Variants in ARSK observed in about 807,000 individuals in gnomAD.
ARSK encodes arylsulfatase K.
In ARSK, 37 loss-of-function variants were observed where a neutral mutation model predicts 53.2. The observed-to-expected ratio is 0.70, with a 90% CI of 0.54 to 0.92. The LOEUF (loss-of-function observed/expected upper bound fraction) is 0.92, where lower values mean the gene tolerates loss of function less well. Ranked by LOEUF, ARSK falls within the 40% of genes least tolerant of loss-of-function variation. ARSK has a pLI of 0.00. For missense variants in ARSK, 613 were observed against 643.0 expected, an observed-to-expected ratio of 0.95 and a Z score of 0.51; for synonymous variants, 208 against 223.2, an observed-to-expected ratio of 0.93 and a Z score of 0.61.
At position 95,586,734 on chromosome 5, in the gene ARSK, G is replaced by C. The variant is rs1358549129; in HGVS notation, c.871+1G>C. On this transcript the variant is annotated splice_donor_variant, in intron 5 of 7. Transcript: ENST00000380009. LOFTEE classifies it high-confidence loss of function. ...TGTGCTGAGACAGATGCCATGCTTGGTAGGTGGTATAATTAATAAGCAATT... is the reference window on the plus strand; with the variant it reads ...TGTGCTGAGACAGATGCCATGCTTGCTAGGTGGTATAATTAATAAGCAATT... 1 of 1,580,420 alleles carries C rather than the reference G, an allele frequency of 6.3e-7. No homozygotes were observed. Among genetic ancestry groups the C allele is most frequent in the Admixed American group, 1.9e-5 (1 of 52,560 alleles).
intron 6 of ARSK, among the ~76,000 whole-genome samples, chr5:95,592,202 ATC>A (rs1319256947): frequency 3.3e-5 from 5 of 152,230 alleles, no homozygotes; most frequent in African/African-American, 7.2e-5. Flanking sequence ...TCTAGTTTCT[ATC>A]TCATTTAGCA....
chr5:95,596,524 T>C (rs1220077652), intron 6 of ARSK, among the ~76,000 whole-genome samples: 1 of 152,168 alleles, frequency 6.6e-6, no homozygotes, highest in Non-Finnish European at 1.5e-5. Context: ...TTAAAATATT[T>C]GAGTCTTCTG....
At position 95,596,193 on chromosome 5, in the gene ARSK, C is replaced by A. The variant is rs528964774; in HGVS notation, c.1096+4568C>A. Among the ~76,000 whole-genome samples the A allele has an allele frequency of 2.4e-3, 366 of 152,284 alleles. 3 individuals carry two copies. Among genetic ancestry groups the A allele is most frequent in the African/African-American group, 8.3e-3 (347 of 41,576 alleles). On this transcript the variant is annotated intron_variant, in intron 6 of 7. Transcript: ENST00000380009. Reference sequence around the variant, plus strand: ...AAAGCTACTTTATTAGTGATTAATTCTAAAATTAGACCTGTGAGACAGTAT... The same window carrying A: ...AAAGCTACTTTATTAGTGATTAATTATAAAATTAGACCTGTGAGACAGTAT...
chr5:95,582,957 TCAGACAAGAAGG>T lies in ARSK; in HGVS notation c.462_473del (p.Gln155_Arg158del). 6.2e-7 allele frequency: 1 copy of T among 1,612,240 alleles called. No homozygotes were observed. Among genetic ancestry groups the T allele is most frequent in the African/African-American group, 1.3e-5 (1 of 75,014 alleles). ...TGGACAAGAGATGTTGCTTTCTTAC[TCAGACAAGAAGG>T]CAGGCCCATGGTTAATCTTATCCGT... is the stretch of plus-strand genomic sequence containing the variant. On this transcript the variant is annotated inframe_deletion, in exon 4 of 8. Coordinates refer to ENST00000380009, the MANE Select transcript of ARSK (RefSeq NM_198150.3).
At chr5:95,581,721 A>G (rs1749022507) in intron 3 of ARSK, among the ~76,000 whole-genome samples, 2 of 151,774 alleles carry the variant, frequency 1.3e-5, no homozygotes, top group South Asian at 4.1e-4. Flanking sequence ...ACTAATAGTC[A>G]CATATAGTAA....
chr5:95,567,783 C>T lies in ARSK; in HGVS notation c.257-107C>T, dbSNP rs1748750406. The T allele has an allele frequency of 4.6e-6, 5 of 1,084,660 alleles. No individual in the cohort carries two copies. The South Asian group carries it at 1.0e-4, about 22-fold the overall frequency. 67.2% of individuals were successfully genotyped at this position (1,084,660 alleles called of 1,614,324 possible). A position where few individuals can be genotyped will look rare whatever the true frequency, so the allele number is the denominator to read the frequency against. On this transcript the variant is annotated intron_variant, in intron 2 of 7. Transcript: ENST00000380009. Reference sequence around the variant, plus strand: ...CACCTAATCTGGGTACGTCTTACTGCAGAGCATAAGCTCTTCACTAGTGGA... The same window carrying T: ...CACCTAATCTGGGTACGTCTTACTGTAGAGCATAAGCTCTTCACTAGTGGA...
At chr5:95,557,941 A>C (rs555701398) in intron 1 of ARSK, among the ~76,000 whole-genome samples, 1 of 152,340 alleles carries the variant, frequency 6.6e-6, no homozygotes, top group South Asian at 2.1e-4. Context: ...TTTATTCAAG[A>C]AAATCTATGA....
chr5:95,577,627 A>G (rs1748947787), intron 3 of ARSK, among the ~76,000 whole-genome samples: 2 of 152,192 alleles, frequency 1.3e-5, no homozygotes, highest in South Asian at 2.1e-4. Flanking sequence ...TCATCTAGGA[A>G]TTCAAAGTTG....
At position 95,555,113 on chromosome 5, in the gene ARSK, C is replaced by T. The variant is rs998039342; in HGVS notation, c.-166C>T. ...CTCTGTTGCGCATGTGCGCGCTCTCCGCCTGATAGGAGTTGTAGTTCTGCG... is the reference window on the plus strand; with the variant it reads ...CTCTGTTGCGCATGTGCGCGCTCTCTGCCTGATAGGAGTTGTAGTTCTGCG... On this transcript the variant is annotated 5_prime_UTR_variant, in exon 1 of 8. Coordinates refer to ENST00000380009, the MANE Select transcript of ARSK (RefSeq NM_198150.3). This position sits in a 1 kb window ranked among gnomAD's most constrained non-coding sequence, Gnocchi z 4.0. 3.0e-5 allele frequency: 16 copies of T among 534,212 alleles called. No homozygotes were observed. The highest frequency in any genetic ancestry group is 4.9e-5 in the Non-Finnish European group (15 of 306,602). 33.1% of individuals were successfully genotyped at this position (534,212 alleles called of 1,614,324 possible). A position where few individuals can be genotyped will look rare whatever the true frequency, so the allele number is the denominator to read the frequency against.
intron 3 of ARSK, among the ~76,000 whole-genome samples, chr5:95,572,901 C>A (rs1161787463): frequency 6.6e-6 from 1 of 152,206 alleles, no homozygotes; most frequent in African/African-American, 2.4e-5. Flanking sequence ...CCCACCTCTA[C>A]CCCTTAGCTG....
At chr5:95,561,705 C>T (rs577032984) in intron 1 of ARSK, among the ~76,000 whole-genome samples, 14 of 152,116 alleles carry the variant, frequency 9.2e-5, no homozygotes, top group East Asian at 1.9e-4. Context: ...AACATAGAGC[C>T]GGAAAGTAGG....
chr5:95,562,464 T>C (rs962807506), intron 1 of ARSK, among the ~76,000 whole-genome samples: 6 of 152,200 alleles, frequency 3.9e-5, no homozygotes, highest in African/African-American at 1.4e-4. Context: ...AAGAACACTA[T>C]AAGCAGTCTT....
chr5:95,590,689 A>C (rs1172539397), intron 5 of ARSK, among the ~76,000 whole-genome samples: 3 of 152,206 alleles, frequency 2.0e-5, no homozygotes, highest in African/African-American at 7.2e-5. Context: ...GGAACTGCCA[A>C]AATAGGGATG....
At chr5:95,585,582 T>C (rs1026909995) in intron 4 of ARSK, among the ~76,000 whole-genome samples, 1 of 152,214 alleles carries the variant, frequency 6.6e-6, no homozygotes, top group African/African-American at 2.4e-5. Context: ...AAACATCATA[T>C]GTTCTCACTA....
At chr5:95,578,417 C>G (rs1215822609) in intron 3 of ARSK, among the ~76,000 whole-genome samples, 1 of 151,850 alleles carries the variant, frequency 6.6e-6, no homozygotes, top group Non-Finnish European at 1.5e-5. Flanking sequence ...CTCAGCCTCC[C>G]AAAGCCCTGG....
intron 3 of ARSK, among the ~76,000 whole-genome samples, chr5:95,572,642 G>A (rs1277205439): frequency 6.6e-6 from 1 of 152,212 alleles, no homozygotes; most frequent in East Asian, 1.9e-4. Context: ...GCCGGGCGTG[G>A]TGGCGGGCCC....
At chr5:95,585,402 A>C (rs1209457619) in intron 4 of ARSK, among the ~76,000 whole-genome samples, 1 of 152,230 alleles carries the variant, frequency 6.6e-6, no homozygotes, top group Non-Finnish European at 1.5e-5. Context: ...CACAATTGCA[A>C]AAATATAGAA....
chr5:95,601,968 C>T (rs1016006586), intron 7 of ARSK, among the ~76,000 whole-genome samples: 2 of 152,072 alleles, frequency 1.3e-5, no homozygotes, highest in Non-Finnish European at 2.9e-5. Flanking sequence ...CCAGGCTCAA[C>T]AGACCACATC....
chr5:95,575,798 A>G (rs532258156), intron 3 of ARSK, among the ~76,000 whole-genome samples: 6 of 152,266 alleles, frequency 3.9e-5, no homozygotes, highest in Non-Finnish European at 1.5e-5. Flanking sequence ...TGGAGTCTTT[A>G]TGTTTTTCCA....
Sources: allele counts gnomAD v4.1 joint callset (sites outside exome capture counted in the v4.1 genomes callset), GRCh38; gene constraint gnomAD v4.1.1; non-coding constraint Gnocchi (gnomAD v3.1); transcripts MANE v1.5; gene names NCBI Gene and HGNC (gene_info 2026-07-23, HGNC 2026-07-21).